PRKCI: variants seen among roughly 807,000 people sequenced by gnomAD.
The protein encoded by PRKCI is protein kinase C iota type.
In PRKCI, 43 loss-of-function variants were observed where a neutral mutation model predicts 84.0. The observed-to-expected ratio is 0.51, with a 90% confidence interval of 0.40 to 0.66. PRKCI has a LOEUF of 0.66. PRKCI is among the 30% of genes least tolerant of loss of function. The pLI is 0.00. For synonymous variants in PRKCI, 216 were observed against 234.4 expected, an observed-to-expected ratio of 0.92 and a Z score of 0.72; for missense variants, 459 against 745.6, an observed-to-expected ratio of 0.62 and a Z score of 4.48.
At chr3:170,247,021 A>C (rs564873554) in intron 2 of PRKCI, among the ~76,000 whole-genome samples, 1 of 151,818 alleles carries the variant, frequency 6.6e-6, no homozygotes, top group African/African-American at 2.4e-5. Context: ...AAAATCTGCT[A>C]TCAACTTCCT....
intron 2 of PRKCI, among the ~76,000 whole-genome samples, chr3:170,247,743 A>G (rs1733323803): frequency 1.3e-5 from 2 of 149,938 alleles, no homozygotes; most frequent in East Asian, 2.0e-4. Flanking sequence ...AAAAAAAAAA[A>G]AAAAAAAAAA....
chr3:170,263,449 A>T lies in PRKCI; in HGVS notation c.364+20A>T, dbSNP rs375615083. 1.2e-5 allele frequency: 19 copies of T among 1,556,642 alleles called. No individual in the cohort carries two copies. The highest frequency in any genetic ancestry group is 3.4e-4 in the Middle Eastern group (2 of 5,914). ...AAGATAGTGAGTGTTTATATACTTCATACCTTTTACAAGAGTTACTATGCT... is the reference window on the plus strand; with the variant it reads ...AAGATAGTGAGTGTTTATATACTTCTTACCTTTTACAAGAGTTACTATGCT... On this transcript the variant is annotated intron_variant, in intron 4 of 17. Coordinates refer to ENST00000295797, the MANE Select transcript of PRKCI (RefSeq NM_002740.6).
At position 170,305,266 on chromosome 3, in the gene PRKCI, C is replaced by G. The variant is rs890613635; in HGVS notation, c.*2139C>G. ...TGCACACTAGTGAGCCCACCTTAGA[C>G]TTCTTTTGGGGCCTTCGACCTCACT... On this transcript the variant is annotated 3_prime_UTR_variant, in exon 18 of 18. Coordinates refer to ENST00000295797, the MANE Select transcript of PRKCI (RefSeq NM_002740.6). 2.6e-5 allele frequency: 4 copies of G among 152,622 alleles called. No individual in the cohort carries two copies. The South Asian group carries it at 8.3e-4, about 32-fold the overall frequency. 9.5% of individuals were successfully genotyped at this position (152,622 alleles called of 1,614,324 possible).
intron 3 of PRKCI, among the ~76,000 whole-genome samples, chr3:170,262,051 TC>T (rs1306782282): frequency 6.6e-6 from 1 of 152,240 alleles, no homozygotes; most frequent in African/African-American, 2.4e-5. Flanking sequence ...GAACTGTGCT[TC>T]CTATAGTCTG....
intron 16 of PRKCI, among the ~76,000 whole-genome samples, chr3:170,298,557 C>T (rs1198174753): frequency 6.6e-6 from 1 of 152,046 alleles, no homozygotes; most frequent in Non-Finnish European, 1.5e-5. Flanking sequence ...AGGTGTGTGC[C>T]ACCACACCTG....
At chr3:170,256,003 A>G (rs1247220263) in intron 2 of PRKCI, among the ~76,000 whole-genome samples, 1 of 152,142 alleles carries the variant, frequency 6.6e-6, no homozygotes, top group Non-Finnish European at 1.5e-5. Context: ...CATGTGTTGA[A>G]CCATCCTTGC....
At chr3:170,295,819 TG>T in intron 14 of PRKCI, 91 bp from the exon 15 acceptor site, 2 of 676,430 alleles carry the variant, frequency 3.0e-6, no homozygotes, top group Non-Finnish European at 4.5e-6. Context: ...CACTCCAACC[TG>T]GGCAACAGAA....
At chr3:170,224,963 T>C (rs772351543) in intron 1 of PRKCI, among the ~76,000 whole-genome samples, 1 of 152,240 alleles carries the variant, frequency 6.6e-6, no homozygotes, top group Non-Finnish European at 1.5e-5. Flanking sequence ...ATGAAAATCA[T>C]TGTAAACTCC....
At chr3:170,299,375 G>A (rs900975013) in intron 17 of PRKCI, among the ~76,000 whole-genome samples, 9 of 152,094 alleles carry the variant, frequency 5.9e-5, no homozygotes, top group Non-Finnish European at 2.9e-5. Context: ...CTACAGGCGC[G>A]TGCCGCCACG....
At chr3:170,281,436 G>GAT in intron 10 of PRKCI, 173 bp downstream of exon 10, 1 of 579,216 alleles carries the variant, frequency 1.7e-6, no homozygotes, top group Non-Finnish European at 3.0e-6. Context: ...TTTGATATTA[G>GAT]ATCAGCATTA....
chr3:170,251,874 C>T (rs1733455686), intron 2 of PRKCI, among the ~76,000 whole-genome samples: 1 of 151,046 alleles, frequency 6.6e-6, no homozygotes, highest in Admixed American at 6.6e-5. Context: ...CACGCCACTG[C>T]ACTCCAGCCT....
chr3:170,282,839 G>T (rs1377869623), intron 11 of PRKCI, among the ~76,000 whole-genome samples: 1 of 151,906 alleles, frequency 6.6e-6, no homozygotes, highest in African/African-American at 2.4e-5. Flanking sequence ...AGGCGCAGTG[G>T]CTCATGCCTG....
At chr3:170,235,436 A>G (rs780333648) in intron 2 of PRKCI, 85 bp downstream of exon 2, 9 of 1,445,148 alleles carry the variant, frequency 6.2e-6, no homozygotes, top group Non-Finnish European at 8.5e-6. Context: ...GAGTCCTAAA[A>G]AGTTTAAGAG....
At chr3:170,246,648 T>C (rs558813173) in intron 2 of PRKCI, among the ~76,000 whole-genome samples, 2 of 152,210 alleles carry the variant, frequency 1.3e-5, no homozygotes, top group East Asian at 3.9e-4. Flanking sequence ...CTTTAAAAAT[T>C]TTTTTATTGT....
intron 2 of PRKCI, among the ~76,000 whole-genome samples, chr3:170,240,584 G>A (rs1367675516): frequency 1.3e-5 from 2 of 152,050 alleles, no homozygotes; most frequent in African/African-American, 2.4e-5. Context: ...TTATTTTTAA[G>A]TTACTTTCAA....
chr3:170,254,502 T>C (rs1387596957), intron 2 of PRKCI, among the ~76,000 whole-genome samples: 3 of 152,234 alleles, frequency 2.0e-5, no homozygotes, highest in Non-Finnish European at 4.4e-5. Context: ...AATAGGGGTC[T>C]AGTTTCATTC....
chr3:170,243,676 A>T (rs2108840816), intron 2 of PRKCI, among the ~76,000 whole-genome samples: 1 of 152,326 alleles, frequency 6.6e-6, no homozygotes, highest in South Asian at 2.1e-4. Flanking sequence ...TTCACAAGGA[A>T]GTTGAGGATC....
chr3:170,273,121 A>G (rs1560178946), intron 6 of PRKCI, among the ~76,000 whole-genome samples, 165 bp from the exon 7 acceptor site: 3 of 152,240 alleles, frequency 2.0e-5, no homozygotes, highest in Non-Finnish European at 4.4e-5. Context: ...CCTCATTCAC[A>G]GCAGTATTGT....
At chr3:170,294,238 G>GA (rs1282520649) in intron 14 of PRKCI, among the ~76,000 whole-genome samples, 3 of 151,994 alleles carry the variant, frequency 2.0e-5, no homozygotes, top group Admixed American at 1.3e-4. Context: ...AAAAGATGGG[G>GA]AAAAAAGGCC....
Sources: allele counts gnomAD v4.1 joint callset (sites outside exome capture counted in the v4.1 genomes callset), GRCh38; gene constraint gnomAD v4.1.1; transcripts MANE v1.5; gene names NCBI Gene and HGNC (gene_info 2026-07-23, HGNC 2026-07-21).